Variants in MYRIP observed in about 807,000 individuals in gnomAD.
MYRIP encodes rab effector MyRIP.
Under a neutral mutation model 98.0 loss-of-function variants are expected in MYRIP, and 49 were observed. The observed-to-expected ratio is 0.50, with a 90% CI of 0.40 to 0.63. MYRIP has a LOEUF of 0.63. Ranked by LOEUF, MYRIP falls within the 30% of genes least tolerant of loss-of-function variation. The probability of loss-of-function intolerance (pLI) is 0.00; values close to 1 mark genes in which losing one functional copy is unlikely to be tolerated. For missense variants in MYRIP, 1,004 were observed against 1,058.2 expected, an observed-to-expected ratio of 0.95 and a Z score of 0.71; for synonymous variants, 404 against 409.5, an observed-to-expected ratio of 0.99 and a Z score of 0.16.
At chr3:40,194,529 T>TC (rs1951334936) in intron 10 of MYRIP, among the ~76,000 whole-genome samples, 2 of 152,146 alleles carry the variant, frequency 1.3e-5, no homozygotes, top group African/African-American at 4.8e-5. Context: ...AAAATGATGA[T>TC]ATCATTTTCT....
At position 40,132,127 on chromosome 3, in the gene MYRIP, T is replaced by C. The variant is rs373190667; in HGVS notation, c.333-18921T>C. ...TTTCTTCTGAATGCCTTCCCAGAGC[T>C]GGGAATTAGGGAAGACATTGAGACA... On this transcript the variant is annotated intron_variant, in intron 3 of 16. Coordinates refer to ENST00000302541, the MANE Select transcript of MYRIP (RefSeq NM_015460.4). Among the ~76,000 whole-genome samples, 62 of 152,252 alleles carry C rather than the reference T, an allele frequency of 4.1e-4. 1 individual carries two copies. In the South Asian group the frequency reaches 0.012, roughly 30 times the overall value.
At chr3:40,157,526 G>T (rs1950271026) in intron 4 of MYRIP, among the ~76,000 whole-genome samples, 3 of 148,850 alleles carry the variant, frequency 2.0e-5, no homozygotes, top group African/African-American at 4.9e-5. Context: ...AGTTAGGGAG[G>T]ATTCCCTCTT....
chr3:39,814,316 A>G (rs967354779), intron 1 of MYRIP, among the ~76,000 whole-genome samples: 1 of 152,164 alleles, frequency 6.6e-6, no homozygotes, highest in Non-Finnish European at 1.5e-5. Flanking sequence ...GAAGCTTGGA[A>G]TGTATTTTAC....
At chr3:40,166,728 T>G (rs1037210698) in intron 5 of MYRIP, 118 bp from the exon 6 acceptor site, 1 of 688,142 alleles carries the variant, frequency 1.5e-6, no homozygotes, top group African/African-American at 1.8e-5. Context: ...TTGTGTGCCA[T>G]GGTAAACAGC....
chr3:39,920,649 A>C (rs1944284279), intron 2 of MYRIP, among the ~76,000 whole-genome samples: 1 of 152,268 alleles, frequency 6.6e-6, no homozygotes, highest in African/African-American at 2.4e-5. Context: ...ATCAGTGGGC[A>C]AATGAAGAGT....
chr3:40,027,053 G>T (rs1233300097), intron 2 of MYRIP, among the ~76,000 whole-genome samples: 4 of 152,054 alleles, frequency 2.6e-5, no homozygotes, highest in African/African-American at 9.7e-5. Context: ...CCTCTGAGCT[G>T]CTAAAACCCA....
At chr3:39,917,361 C>A (rs1944186517) in intron 2 of MYRIP, among the ~76,000 whole-genome samples, 1 of 148,478 alleles carries the variant, frequency 6.7e-6, no homozygotes, top group Non-Finnish European at 1.5e-5. Flanking sequence ...GGAAATGAGC[C>A]TTCATAGCAA....
At chr3:40,226,174 G>A (rs1052028768) in intron 11 of MYRIP, among the ~76,000 whole-genome samples, 5 of 152,082 alleles carry the variant, frequency 3.3e-5, no homozygotes, top group South Asian at 4.1e-4. Flanking sequence ...ATTCCACTTG[G>A]GCATTTGATA....
intron 1 of MYRIP, among the ~76,000 whole-genome samples, chr3:39,858,618 C>A (rs1247834775): frequency 6.6e-6 from 1 of 152,036 alleles, no homozygotes; most frequent in Non-Finnish European, 1.5e-5. Context: ...AAAACATTCT[C>A]CAGGATAGAT....
chr3:40,180,052 G>A (rs559685029), intron 8 of MYRIP, among the ~76,000 whole-genome samples: 6 of 152,174 alleles, frequency 3.9e-5, no homozygotes, highest in Middle Eastern at 3.2e-3. Context: ...AACCTCGGGT[G>A]TTGTCAAGCT....
At chr3:40,166,985 T>C in intron 6 of MYRIP, 42 bp downstream of exon 6, 1 of 1,511,214 alleles carries the variant, frequency 6.6e-7, no homozygotes. Flanking sequence ...GAGGTGTGGG[T>C]TGGGGTCCTT....
At position 40,220,397 on chromosome 3, in the gene MYRIP, T is replaced by C. The variant is rs138812825; in HGVS notation, c.1905+10304T>C. ...GCCATTGCTTTTGGTGTTTTAGACA[T>C]GAAGTCCTTGCTCATGCGTATGTCC... On this transcript the variant is annotated intron_variant, in intron 11 of 16. Coordinates refer to ENST00000302541, the MANE Select transcript of MYRIP (RefSeq NM_015460.4). 4.9e-3 allele frequency among the ~76,000 whole-genome samples: 742 copies of C among 152,362 alleles called. 11 individuals are homozygous for C. The highest frequency in any genetic ancestry group is 7.3e-3 in the Admixed American group (112 of 15,308).
intron 3 of MYRIP, among the ~76,000 whole-genome samples, chr3:40,088,409 C>T (rs1261794175): frequency 2.0e-5 from 3 of 152,200 alleles, no homozygotes; most frequent in Non-Finnish European, 2.9e-5. Context: ...CTCTCCATTA[C>T]TGGGAAACCA....
intron 1 of MYRIP, among the ~76,000 whole-genome samples, chr3:39,845,571 G>A (rs989276227): frequency 6.6e-6 from 1 of 152,030 alleles, no homozygotes; most frequent in African/African-American, 2.4e-5. Flanking sequence ...TATTTAGTAC[G>A]AATAGTTGAC....
intron 2 of MYRIP, among the ~76,000 whole-genome samples, chr3:39,980,650 A>G (rs1210437437): frequency 6.6e-6 from 1 of 152,178 alleles, no homozygotes; most frequent in African/African-American, 2.4e-5. Context: ...CAAAATGCTC[A>G]TTGCTCTATA....
intron 1 of MYRIP, among the ~76,000 whole-genome samples, chr3:39,881,959 C>G (rs1272235016): frequency 6.6e-6 from 1 of 151,616 alleles, no homozygotes; most frequent in East Asian, 1.9e-4. Context: ...GTTTTTTTCC[C>G]ATCTTTTTTC....
At chr3:40,228,118 C>A (rs1253338048) in intron 11 of MYRIP, among the ~76,000 whole-genome samples, 1 of 152,066 alleles carries the variant, frequency 6.6e-6, no homozygotes, top group Non-Finnish European at 1.5e-5. Context: ...CTTGGAGGTG[C>A]CCACTCAGGG....
At chr3:39,840,042 CATTGATCTGTCTA>C (rs1304617136) in intron 1 of MYRIP, among the ~76,000 whole-genome samples, 1 of 152,130 alleles carries the variant, frequency 6.6e-6, no homozygotes, top group Non-Finnish European at 1.5e-5. Flanking sequence ...TTTTCTGTCT[CATTGATCTGTCTA>C]ATATTGACAG....
At chr3:39,831,993 T>C (rs1918025) in intron 1 of MYRIP, among the ~76,000 whole-genome samples, 38,616 of 152,120 alleles carry the variant, frequency 0.25, 5,181 homozygotes, top group Middle Eastern at 0.32. Flanking sequence ...CACCTGGCAC[T>C]CTGTTGGTCA....
Sources: allele counts gnomAD v4.1 joint callset (sites outside exome capture counted in the v4.1 genomes callset), GRCh38; gene constraint gnomAD v4.1.1; transcripts MANE v1.5; gene names NCBI Gene and HGNC (gene_info 2026-07-23, HGNC 2026-07-21).